The following ZNF438 variants were observed in gnomAD, a reference collection of about 807,000 sequenced individuals.
ZNF438 encodes the protein zinc finger protein 438.
A neutral mutation model predicts 38.0 loss-of-function variants in ZNF438; 25 were observed. The ratio of observed to expected loss-of-function variants is 0.66; its 90% CI spans 0.48 to 0.92. ZNF438 has a LOEUF of 0.92. Among genes scored for constraint, ZNF438 ranks in the 40% least tolerant of loss-of-function variants. ZNF438 has a pLI of 0.00. For missense variants in ZNF438, 1,007 were observed against 999.6 expected (o/e 1.01, Z -0.10); for synonymous variants, 372 against 364.1 (o/e 1.02, Z -0.25).
intron 3 of ZNF438, 94 bp from the exon 5 acceptor site, chr10:30,877,159 G>A (rs10763848): frequency 0.39 from 242,773 of 623,980 alleles, 48,515 homozygotes; most frequent in Admixed American, 0.42. Context: ...GTTTTTTAAA[G>A]TTTGTTTTAT....
At chr10:30,925,492 C>A (rs2044808898) in intron 2 of ZNF438, among the ~76,000 whole-genome samples, 1 of 152,066 alleles carries the variant, frequency 6.6e-6, no homozygotes, top group Non-Finnish European at 1.5e-5. Context: ...AAAAGAGATG[C>A]AATATAGTAT....
chr10:30,984,628 A>T (rs924549374), intron 1 of ZNF438, among the ~76,000 whole-genome samples: 5 of 152,222 alleles, frequency 3.3e-5, no homozygotes, highest in African/African-American at 1.2e-4. Flanking sequence ...GCAAAATTTA[A>T]TAAAAGTTTT....
At chr10:30,866,876 G>C (rs1219015110) in intron 4 of ZNF438, among the ~76,000 whole-genome samples, 1 of 151,794 alleles carries the variant, frequency 6.6e-6, no homozygotes, top group Non-Finnish European at 1.5e-5. Context: ...TTACGTTAAT[G>C]AATGATTTTT....
At chr10:30,899,466 T>C (rs1024784363) in intron 3 of ZNF438, among the ~76,000 whole-genome samples, 16 of 152,094 alleles carry the variant, frequency 1.1e-4, no homozygotes, top group African/African-American at 3.9e-4. Context: ...AGGCTTTCAG[T>C]CACAAAAACA....
chr10:30,851,575 G>A (rs1453141797), intron 4 of ZNF438, among the ~76,000 whole-genome samples: 4 of 152,230 alleles, frequency 2.6e-5, no homozygotes, highest in Non-Finnish European at 5.9e-5. Context: ...AGTAAGATGC[G>A]TGTACTAAAT....
At chr10:30,920,724 T>C (rs1052975044) in intron 2 of ZNF438, 2 of 152,238 alleles carry the variant, frequency 1.3e-5, no homozygotes, top group African/African-American at 4.8e-5. Flanking sequence ...GACAAACTTA[T>C]TACAGACTTC....
chr10:30,948,983 T>A (rs1044220406), intron 1 of ZNF438, among the ~76,000 whole-genome samples: 1 of 152,142 alleles, frequency 6.6e-6, no homozygotes, highest in African/African-American at 2.4e-5. Context: ...GGAAAAAATG[T>A]TAACGGCAGC....
At chr10:30,952,310 C>T (rs2048312393) in intron 1 of ZNF438, among the ~76,000 whole-genome samples, 1 of 149,852 alleles carries the variant, frequency 6.7e-6, no homozygotes, top group African/African-American at 2.4e-5. Flanking sequence ...AGAAGAAAAC[C>T]TAGGCATTAC....
chr10:30,961,869 CA>C (rs1457022084), intron 1 of ZNF438, among the ~76,000 whole-genome samples: 1 of 131,122 alleles, frequency 7.6e-6, no homozygotes, highest in Non-Finnish European at 1.7e-5. Flanking sequence ...GCCTGGGTGA[CA>C]GAGTGAGACT....
At chr10:30,924,815 G>A (rs2044724712) in intron 2 of ZNF438, among the ~76,000 whole-genome samples, 1 of 152,136 alleles carries the variant, frequency 6.6e-6, no homozygotes, top group African/African-American at 2.4e-5. Flanking sequence ...TCCTGGGTTA[G>A]ATCCTGCAAT....
chr10:30,845,390 G>A (rs1438927725), exon 6 of ZNF438: 1 of 1,614,054 alleles, frequency 6.2e-7, no homozygotes, highest in South Asian at 1.1e-5. Context: ...GAGTCCCCTT[G>A]CTTCCTGGGA....
At chr10:30,964,476 G>C (rs1189273012) in intron 1 of ZNF438, among the ~76,000 whole-genome samples, 4 of 152,152 alleles carry the variant, frequency 2.6e-5, no homozygotes, top group Non-Finnish European at 4.4e-5. Flanking sequence ...CAGATGGCAG[G>C]AACAAGGTGA....
At chr10:31,010,819 G>A (rs2055601377) in intron 1 of ZNF438, among the ~76,000 whole-genome samples, 1 of 145,948 alleles carries the variant, frequency 6.9e-6, no homozygotes, top group Non-Finnish European at 1.5e-5. Flanking sequence ...CTTGTGCCCA[G>A]GAGTTCAAGG....
intron 4 of ZNF438, among the ~76,000 whole-genome samples, chr10:30,872,243 T>C (rs2037539269): frequency 1.3e-5 from 2 of 151,322 alleles, no homozygotes; most frequent in African/African-American, 4.8e-5. Flanking sequence ...CTGGCCAACA[T>C]GGTAAAATCC....
intron 2 of ZNF438, among the ~76,000 whole-genome samples, chr10:30,928,697 C>T (rs1028095807): frequency 6.6e-6 from 1 of 152,112 alleles, no homozygotes; most frequent in African/African-American, 2.4e-5. Context: ...TCAGACCAGA[C>T]ATTCAGTTAA....
chr10:30,984,406 C>T (rs528406725), intron 1 of ZNF438: 11 of 152,108 alleles, frequency 7.2e-5, no homozygotes, highest in South Asian at 2.1e-4. Flanking sequence ...TAAGATATAC[C>T]GTAAATCCTT....
At chr10:31,003,330 A>G (rs1208895061) in intron 1 of ZNF438, among the ~76,000 whole-genome samples, 6 of 152,130 alleles carry the variant, frequency 3.9e-5, no homozygotes, top group African/African-American at 1.4e-4. Flanking sequence ...CCGTGGGAGG[A>G]CCAGCCCTAA....
intron 1 of ZNF438, among the ~76,000 whole-genome samples, chr10:31,002,348 TATAG>T (rs906383894): frequency 1.3e-5 from 2 of 152,202 alleles, no homozygotes; most frequent in African/African-American, 4.8e-5. Flanking sequence ...CTTCAGATAT[TATAG>T]ATATTCACCC....
chr10:30,951,845 A>G (rs567919357), intron 1 of ZNF438, among the ~76,000 whole-genome samples: 1 of 151,492 alleles, frequency 6.6e-6, no homozygotes, highest in Non-Finnish European at 1.5e-5. Flanking sequence ...TACAGATTCA[A>G]TGCCATCCCC....
Sources: allele counts gnomAD v4.1 joint callset (sites outside exome capture counted in the v4.1 genomes callset), GRCh38; gene constraint gnomAD v4.1.1; transcripts MANE v1.5; gene names NCBI Gene and HGNC (gene_info 2026-07-23, HGNC 2026-07-21).